Variants in FBXO34 observed in about 807,000 individuals in gnomAD.
FBXO34 encodes F-box only protein 34.
A neutral mutation model predicts 24.5 loss-of-function variants in FBXO34; 12 were observed. The observed-to-expected ratio is 0.49, with a 90% confidence interval of 0.31 to 0.79. The LOEUF (loss-of-function observed/expected upper bound fraction) is 0.79, where lower values mean the gene tolerates loss of function less well. Among genes scored for constraint, FBXO34 ranks in the 30% least tolerant of loss-of-function variants. The pLI, the probability that FBXO34 is intolerant of heterozygous loss-of-function variation, is 0.04. For missense variants in FBXO34, 823 were observed against 857.7 expected (o/e 0.96, Z 0.51); for synonymous variants, 320 against 311.9 (o/e 1.03, Z -0.27).
chr14:55,424,822 A>G, the FBXO34 span, among the ~76,000 whole-genome samples: 1 of 152,192 alleles, frequency 6.6e-6, no homozygotes, highest in Non-Finnish European at 1.5e-5. Flanking sequence ...ACTACTAAAT[A>G]TAAGCTGGCC....
intron 1 of FBXO34, among the ~76,000 whole-genome samples, chr14:55,312,133 G>T (rs925675742): frequency 2.0e-5 from 3 of 151,444 alleles, no homozygotes; most frequent in Non-Finnish European, 4.4e-5. Flanking sequence ...CTGGGAGGTG[G>T]AGGTTGCAGT....
chr14:55,338,451 A>C (rs1883869521), intron 1 of FBXO34, among the ~76,000 whole-genome samples: 1 of 152,016 alleles, frequency 6.6e-6, no homozygotes, highest in African/African-American at 2.4e-5. Context: ...AAGAGTATGT[A>C]CTTCTTGGGG....
chr14:55,375,501 T>A, the FBXO34 span, among the ~76,000 whole-genome samples: 1 of 135,276 alleles, frequency 7.4e-6, no homozygotes, highest in African/African-American at 3.3e-5. Flanking sequence ...TTTTTTTTTT[T>A]TTTTTTTTTT....
At chr14:55,402,519 T>G in the FBXO34 span, among the ~76,000 whole-genome samples, 1 of 152,096 alleles carries the variant, frequency 6.6e-6, no homozygotes, top group East Asian at 1.9e-4. Context: ...GAAACTAGTG[T>G]TCAATGGGAG....
intron 1 of FBXO34, among the ~76,000 whole-genome samples, chr14:55,307,963 G>T (rs1882608996): frequency 6.6e-6 from 1 of 152,180 alleles, no homozygotes; most frequent in Non-Finnish European, 1.5e-5. Flanking sequence ...GATAGGGCCA[G>T]GTGGAGATAA....
At chr14:55,411,307 G>A in the FBXO34 span, among the ~76,000 whole-genome samples, 1 of 152,230 alleles carries the variant, frequency 6.6e-6, no homozygotes, top group Non-Finnish European at 1.5e-5. Flanking sequence ...GCAGCAACGG[G>A]AAAACTTCTC....
chr14:55,272,414 GA>G (rs1881183052), intron 1 of FBXO34: 1 of 152,090 alleles, frequency 6.6e-6, no homozygotes, highest in South Asian at 2.1e-4. Flanking sequence ...AGGTTTTTTG[GA>G]GGGTGTAATG....
In FBXO34 at chr14:55,350,592, A is replaced by G; in HGVS notation, c.202A>G (p.Asn68Asp). ...AAAGCCATTTGGGATCCTTTCTCCA[A>G]ATGTTCTGTGCAGTATGAGTGGGAA... ...SRKPFGILSP[N>D]VLCSMSGKSP... Residue 68 changes from asparagine (N) to aspartate (D), a missense_variant, in exon 2 of 2, where the codon AAT becomes GAT. Around this residue, in one of 2 missense-constraint regions of FBXO34, gnomAD observed 693 missense variants for 659.1 expected, o/e 1.05. Coordinates refer to ENST00000313833, the MANE Select transcript of FBXO34 (RefSeq NM_017943.4). The G allele has an allele frequency of 6.2e-7, 1 of 1,612,442 alleles. No individual in the cohort carries two copies. Among genetic ancestry groups the G allele is most frequent in the African/African-American group, 1.3e-5 (1 of 74,838 alleles).
the FBXO34 span, chr14:55,428,877 C>A: frequency 1.9e-6 from 3 of 1,614,162 alleles, no homozygotes; most frequent in Non-Finnish European, 1.7e-6. Context: ...CAGCTTCCAA[C>A]CATGTTCTGA....
At chr14:55,376,146 T>C in the FBXO34 span, among the ~76,000 whole-genome samples, 4 of 152,202 alleles carry the variant, frequency 2.6e-5, no homozygotes, top group Admixed American at 6.5e-5. Flanking sequence ...GCTCCACCAC[T>C]TGTACTGGCT....
intron 3 of FBXO34, among the ~76,000 whole-genome samples, chr14:55,359,625 C>A (rs1184879982): frequency 6.6e-6 from 1 of 152,124 alleles, no homozygotes; most frequent in Non-Finnish European, 1.5e-5. Flanking sequence ...GTGGCTATGG[C>A]AATTTAAGAC....
the FBXO34 span, among the ~76,000 whole-genome samples, chr14:55,423,280 A>T: frequency 1.3e-5 from 2 of 152,240 alleles, no homozygotes; most frequent in Non-Finnish European, 2.9e-5. Flanking sequence ...AGATATTTAG[A>T]TACATTGCAT....
rs1884375894 is a variant in FBXO34, at chr14:55,351,545, C to T, written c.1155C>T (p.Asp385=). ...PLPAGVSFHI[D]SAELEPGSQT... The stretch of plus-strand genomic sequence containing the variant: ...CAGCAGGAGTGAGTTTCCACATAGA[C>T]AGTGCAGAGTTAGAGCCGGGTTCGC... The change falls in exon 2 of 2, where the codon GAC becomes GAT. Residue 385 remains aspartate (D), a synonymous_variant. Transcript: ENST00000313833. 1 of 1,614,108 alleles carries T rather than the reference C, an allele frequency of 6.2e-7. No individual in the cohort carries two copies. The highest frequency in any genetic ancestry group is 8.5e-7 in the Non-Finnish European group (1 of 1,180,018).
the FBXO34 span, among the ~76,000 whole-genome samples, chr14:55,401,846 C>T: frequency 6.6e-6 from 1 of 152,074 alleles, no homozygotes; most frequent in Non-Finnish European, 1.5e-5. Context: ...TGAGGGTGAG[C>T]CAGAGTTGAT....
intron 1 of FBXO34, chr14:55,299,121 G>C (rs1004236403): frequency 1.6e-6 from 2 of 1,276,262 alleles, no homozygotes; most frequent in Admixed American, 1.7e-5. Flanking sequence ...AGAAGAACTA[G>C]AACAGGAGGA....
intron 1 of FBXO34, among the ~76,000 whole-genome samples, chr14:55,333,069 A>G (rs1883653909): frequency 6.6e-6 from 1 of 152,198 alleles, no homozygotes; most frequent in Admixed American, 6.5e-5. Flanking sequence ...TTCTCTTTCT[A>G]GTGGGCTATT....
chr14:55,332,700 T>G (rs1309576410), intron 1 of FBXO34, among the ~76,000 whole-genome samples: 2 of 152,196 alleles, frequency 1.3e-5, no homozygotes, highest in African/African-American at 2.4e-5. Flanking sequence ...TAAAATGTGG[T>G]ATGTTTTGAA....
At chr14:55,384,419 A>G in the FBXO34 span, among the ~76,000 whole-genome samples, 1 of 152,320 alleles carries the variant, frequency 6.6e-6, no homozygotes, top group Non-Finnish European at 1.5e-5. Flanking sequence ...CTATTAACTA[A>G]TTTACAGACC....
At chr14:55,363,227 G>A (rs558774223), downstream of FBXO34, among the ~76,000 whole-genome samples, 1 of 150,604 alleles carries the variant, frequency 6.6e-6, no homozygotes, top group Admixed American at 6.6e-5. Flanking sequence ...TAGAGATGGG[G>A]TTTCATCATG....
Sources: gnomAD v4.1 joint callset for allele counts (sites outside exome capture counted in the v4.1 genomes callset) on GRCh38, gnomAD v4.1.1 for gene constraint, gnomAD v4.1.1 regional missense constraint, MANE v1.5 for transcripts, NCBI Gene and HGNC (gene_info 2026-07-23, HGNC 2026-07-21) for gene names.